MR1: variants seen among roughly 807,000 people sequenced by gnomAD.
MR1 encodes major histocompatibility complex, class I-related, also known as major histocompatibility complex class I-related protein 1.
A neutral mutation model predicts 37.8 loss-of-function variants in MR1; 44 were observed. The observed-to-expected ratio is 1.16, with a 90% CI of 0.91 to 1.50. The LOEUF is 1.50. Ranked by LOEUF, MR1 falls within the 40% of genes most tolerant of loss-of-function variation. The pLI is 0.00. For missense variants in MR1, 386 were observed against 419.1 expected, an observed-to-expected ratio of 0.92 and a Z score of 0.69; for synonymous variants, 153 against 155.8, an observed-to-expected ratio of 0.98 and a Z score of 0.13.
In MR1 at chr1:181,050,144, A is replaced by C; in HGVS notation, c.462A>C (p.Val154=). 1 of 1,614,256 alleles carries C rather than the reference A, an allele frequency of 6.2e-7. No homozygotes were observed. ...AAGACACCCTCTCCTGGCTGGCTGT[A>C]GATAATGTGGCTCACACCATCAAGC... ...FNKDTLSWLA[V]DNVAHTIKQA... The change falls in exon 3 of 6, where the codon GTA becomes GTC. Residue 154 remains valine, a synonymous_variant. Transcript: ENST00000367580.
intron 1 of MR1, among the ~76,000 whole-genome samples, chr1:181,038,186 A>G (rs960244553): frequency 1.3e-5 from 2 of 152,182 alleles, no homozygotes; most frequent in East Asian, 1.9e-4. Context: ...GACATTGGCA[A>G]CCTTCAAAAG....
At chr1:181,053,247 T>C (rs1252729888) in intron 4 of MR1, among the ~76,000 whole-genome samples, 3 of 151,968 alleles carry the variant, frequency 2.0e-5, no homozygotes, top group African/African-American at 7.2e-5. Context: ...CTGGGCATGA[T>C]GGCATGCGCC....
At chr1:181,049,882 G>C in intron 2 of MR1, 129 bp from the exon 3 acceptor site, 1 of 1,095,630 alleles carries the variant, frequency 9.1e-7, no homozygotes, top group East Asian at 2.4e-5. Flanking sequence ...ACTCAGCGAT[G>C]CCATGGCAGG....
intron 1 of MR1, among the ~76,000 whole-genome samples, chr1:181,040,075 T>C (rs1436302134): frequency 6.6e-6 from 1 of 152,132 alleles, no homozygotes; most frequent in Admixed American, 6.5e-5. Context: ...GTCGTTCGGG[T>C]TCTCCAGCAC....
chr1:181,055,727 A>G lies in MR1; in HGVS notation c.*462A>G, dbSNP rs73050362. On this transcript the variant is annotated 3_prime_UTR_variant, in exon 6 of 6. Transcript: ENST00000367580. Reference sequence around the variant, plus strand: ...CCTTTCTCATTCATCTTTCATGGGAACATTTATTGTACAAGCGCTTTGAAT... The same window carrying G: ...CCTTTCTCATTCATCTTTCATGGGAGCATTTATTGTACAAGCGCTTTGAAT... 9,124 of 172,344 alleles carry G rather than the reference A, an allele frequency of 0.053. 451 individuals are homozygous for G. The highest frequency in any genetic ancestry group is 0.14 in the African/African-American group (5,726 of 41,850). 10.7% of individuals were successfully genotyped at this position (172,344 alleles called of 1,614,324 possible).
chr1:181,046,990 A>G (rs1316384852), intron 1 of MR1, among the ~76,000 whole-genome samples: 2 of 152,078 alleles, frequency 1.3e-5, no homozygotes, highest in African/African-American at 4.8e-5. Flanking sequence ...GCGCCACCTT[A>G]AGAGCTGTAA....
chr1:181,042,132 G>A (rs1657585984), intron 1 of MR1, among the ~76,000 whole-genome samples: 1 of 151,606 alleles, frequency 6.6e-6, no homozygotes, highest in Non-Finnish European at 1.5e-5. Context: ...AATATATATA[G>A]TACCCTTTGC....
chr1:181,043,866 A>G (rs1002718342), intron 1 of MR1, among the ~76,000 whole-genome samples: 1 of 152,030 alleles, frequency 6.6e-6, no homozygotes, highest in African/African-American at 2.4e-5. Context: ...GAGTTATTTC[A>G]TAAGCAGTTT....
At chr1:181,044,618 C>T (rs1334373377) in intron 1 of MR1, among the ~76,000 whole-genome samples, 1 of 152,196 alleles carries the variant, frequency 6.6e-6, no homozygotes, top group Middle Eastern at 3.2e-3. Flanking sequence ...CTAGACCAGA[C>T]TCCAGGCACC....
chr1:181,053,066 A>AAAAAAACAAAAAAAC (rs1370980361), intron 4 of MR1, among the ~76,000 whole-genome samples: 5 of 151,952 alleles, frequency 3.3e-5, no homozygotes, highest in African/African-American at 9.7e-5. Context: ...ACTCCCTCTC[A>AAAAAAACAAAAAAAC]AAAAAACAAA....
intron 1 of MR1, among the ~76,000 whole-genome samples, chr1:181,045,124 C>T (rs1657780541): frequency 6.6e-6 from 1 of 152,136 alleles, no homozygotes; most frequent in Non-Finnish European, 1.5e-5. Flanking sequence ...GTATGTGAGC[C>T]TCCATCTGTC....
chr1:181,054,142 A>G (rs1658477787), intron 5 of MR1, among the ~76,000 whole-genome samples: 1 of 152,226 alleles, frequency 6.6e-6, no homozygotes. Flanking sequence ...TTAAATATGT[A>G]AGAGTAGATA....
chr1:181,044,572 G>T (rs1657752409), intron 1 of MR1, among the ~76,000 whole-genome samples: 1 of 152,186 alleles, frequency 6.6e-6, no homozygotes, highest in African/African-American at 2.4e-5. Flanking sequence ...GTGAGGCTGA[G>T]GGGAGGTGGT....
chr1:181,051,004 A>T (rs1658285653), intron 3 of MR1: 2 of 152,170 alleles, frequency 1.3e-5, no homozygotes, highest in South Asian at 4.1e-4. Context: ...TATTAATGAT[A>T]AGATTCCTTT....
rs1351039319 is a variant in MR1 at position 181,060,083 on chromosome 1, A to G, written c.*4818A>G. On this transcript the variant is annotated 3_prime_UTR_variant, in exon 6 of 6. Transcript: ENST00000367580. ...AAGTTCAAAATGAAGTGTTGGCAGA[A>G]ACATGCTGCCTCTAAAGGGACTGGG... 6.6e-6 allele frequency: 1 copy of G among 152,184 alleles called. No homozygotes were observed. Among genetic ancestry groups the G allele is most frequent in the Non-Finnish European group, 1.5e-5 (1 of 68,034 alleles). The allele number at this position is 152,184 out of a possible 1,614,324, so 9.4% of individuals were successfully genotyped here.
rs191272853 is a variant in MR1, at chr1:181,042,158, G to A, written c.68-6894G>A. 2.5e-4 allele frequency among the ~76,000 whole-genome samples: 38 copies of A among 151,086 alleles called. No homozygotes were observed. The East Asian group carries it at 5.1e-3, about 20-fold the overall frequency. ...TACCCTTTGCAGATCCCAGATTGCA[G>A]TTCAACTCTCCATTCACCAGCCTTC... On this transcript the variant is annotated intron_variant, in intron 1 of 5. Coordinates refer to ENST00000367580, the MANE Select transcript of MR1 (RefSeq NM_001385161.1).
intron 1 of MR1, among the ~76,000 whole-genome samples, chr1:181,035,940 T>G (rs1180865945): frequency 6.6e-6 from 1 of 152,134 alleles, no homozygotes; most frequent in African/African-American, 2.4e-5. Context: ...CTCCTTAGAG[T>G]GCATCCTTCT....
rs1410680785 is a variant in MR1 at position 181,057,496 on chromosome 1, A to T, written c.*2231A>T. On this transcript the variant is annotated 3_prime_UTR_variant, in exon 6 of 6. Coordinates refer to ENST00000367580, the MANE Select transcript of MR1 (RefSeq NM_001385161.1). ...AATGTATCTATGTAAATGCCTTTTG[A>T]TTCTGCAACTGCAGGATACTCTCAT... is the stretch of plus-strand genomic sequence containing the variant. 2.0e-5 allele frequency: 3 copies of T among 152,198 alleles called. No individual in the cohort carries two copies. The highest frequency in any genetic ancestry group is 7.2e-5 in the African/African-American group (3 of 41,454). The allele number at this position is 152,198 out of a possible 1,614,324, so 9.4% of individuals were successfully genotyped here.
At chr1:181,055,182 G>C (rs1421687035) in intron 5 of MR1, 43 bp from the exon 6 acceptor site, 9 of 1,594,896 alleles carry the variant, frequency 5.6e-6, no homozygotes, top group Non-Finnish European at 7.7e-6. Flanking sequence ...TGAGCTGTGA[G>C]GAAACATTCT....
Sources: allele counts gnomAD v4.1 joint callset (sites outside exome capture counted in the v4.1 genomes callset), GRCh38; gene constraint gnomAD v4.1.1; transcripts MANE v1.5; gene names NCBI Gene and HGNC (gene_info 2026-07-23, HGNC 2026-07-21).